STAU2: variants seen among roughly 807,000 people sequenced by gnomAD.
STAU2 encodes the protein staufen double-stranded RNA binding protein 2, also known as double-stranded RNA-binding protein Staufen homolog 2.
In STAU2, 20 loss-of-function variants were observed where a neutral mutation model predicts 65.9. The observed-to-expected ratio is 0.30, with a 90% CI of 0.21 to 0.44. STAU2 has a LOEUF of 0.44. STAU2 is among the 20% of genes least tolerant of loss of function. The probability of loss-of-function intolerance (pLI) is 1.00; values close to 1 mark genes in which losing one functional copy is unlikely to be tolerated. For missense variants in STAU2, 558 were observed against 683.9 expected, an observed-to-expected ratio of 0.82 and a Z score of 2.05; for synonymous variants, 232 against 233.9, an observed-to-expected ratio of 0.99 and a Z score of 0.07.
chr8:73,633,526 A>G (rs974552208), intron 6 of STAU2, among the ~76,000 whole-genome samples: 10 of 152,188 alleles, frequency 6.6e-5, no homozygotes, highest in Non-Finnish European at 1.3e-4. Flanking sequence ...GAGTGAATGT[A>G]CTTTGTGACT....
intron 13 of STAU2, among the ~76,000 whole-genome samples, chr8:73,441,782 T>C (rs991367891): frequency 1.3e-5 from 2 of 152,162 alleles, no homozygotes; most frequent in Non-Finnish European, 2.9e-5. Flanking sequence ...CCGTCTGGAG[T>C]AAGTAGCTGC....
intron 6 of STAU2, among the ~76,000 whole-genome samples, chr8:73,649,604 TA>T (rs1218273211): frequency 6.6e-6 from 1 of 152,026 alleles, no homozygotes; most frequent in African/African-American, 2.4e-5. Flanking sequence ...AACTGTCAAG[TA>T]ACTATCAAAT....
chr8:73,650,441 A>C (rs2130220790), intron 6 of STAU2, among the ~76,000 whole-genome samples: 1 of 152,248 alleles, frequency 6.6e-6, no homozygotes, highest in Non-Finnish European at 1.5e-5. Flanking sequence ...GTGTGGATGT[A>C]GGTATGTATT....
At position 73,552,250 on chromosome 8, in the gene STAU2, A is replaced by G; in HGVS notation, c.1292T>C (p.Ile431Thr). The change falls in exon 13 of 15, where the codon ATC becomes ACC. Residue 431 changes from isoleucine (I) to threonine (T), a missense_variant. Around this residue, in one of 3 missense-constraint regions of STAU2, gnomAD observed 247 missense variants for 270.1 expected, o/e 0.91. Coordinates refer to ENST00000524300, the MANE Select transcript of STAU2 (RefSeq NM_001164380.2). ...CAAATAGCCTAGAGTAGTGCCAGAG[A>G]TTACTTTGTGGCGGCTGGCTTCCAT... is the stretch of plus-strand genomic sequence containing the variant. ...QEMEASRHKV[I>T]SGTTLGYLSP... 1 of 1,613,898 alleles carries G rather than the reference A, an allele frequency of 6.2e-7. No individual in the cohort carries two copies. The highest frequency in any genetic ancestry group is 8.5e-7 in the Non-Finnish European group (1 of 1,179,836).
intron 13 of STAU2, among the ~76,000 whole-genome samples, chr8:73,460,441 A>C (rs1201964795): frequency 6.6e-6 from 1 of 152,248 alleles, no homozygotes; most frequent in East Asian, 1.9e-4. Flanking sequence ...GTTTTGAACA[A>C]GTTTAAACAC....
Position 73,617,211 on chromosome 8 carries a change from T to C in STAU2, c.570+81A>G, listed in dbSNP as rs1200888785. On this transcript the variant is annotated intron_variant, in intron 7 of 14. Coordinates refer to ENST00000524300, the MANE Select transcript of STAU2 (RefSeq NM_001164380.2). ...TATTCTTCCCTATCAGAACAGATTATTTATTTTAATTATAAAATGCTCTGA... is the reference window on the plus strand; with the variant it reads ...TATTCTTCCCTATCAGAACAGATTACTTATTTTAATTATAAAATGCTCTGA... 3.3e-6 allele frequency: 5 copies of C among 1,517,320 alleles called. No individual in the cohort carries two copies. The African/African-American group carries it at 5.6e-5, about 17-fold the overall frequency. The allele number at this position is 1,517,320 out of a possible 1,614,324, so 94.0% of individuals were successfully genotyped here.
chr8:73,728,531 C>T (rs1805814657), intron 3 of STAU2, among the ~76,000 whole-genome samples: 1 of 149,832 alleles, frequency 6.7e-6, no homozygotes, highest in Admixed American at 6.6e-5. Context: ...TTGCTTTGGA[C>T]AGTATTGCCA....
In STAU2 at chr8:73,471,336, C is replaced by T. The variant is rs554949454; in HGVS notation, c.1531-48634G>A. ...TACAGGCACACACTAATATGCCTGG[C>T]TAATTTATTTTTTTATTTTTATTTT... On this transcript the variant is annotated intron_variant, in intron 13 of 14. Coordinates refer to ENST00000524300, the MANE Select transcript of STAU2 (RefSeq NM_001164380.2). Among the ~76,000 whole-genome samples the T allele has an allele frequency of 4.0e-5, 6 of 151,618 alleles. No homozygotes were observed. The East Asian group carries it at 9.7e-4, about 25-fold the overall frequency.
intron 5 of STAU2, 99 bp downstream of exon 5, chr8:73,688,555 T>G: frequency 3.4e-6 from 4 of 1,188,750 alleles, no homozygotes; most frequent in Non-Finnish European, 3.7e-6. Flanking sequence ...TGTGTACTAT[T>G]AATACTTGCT....
chr8:73,570,477 G>A (rs1808977048), intron 12 of STAU2, among the ~76,000 whole-genome samples: 1 of 152,164 alleles, frequency 6.6e-6, no homozygotes, highest in Admixed American at 6.5e-5. Context: ...CGTCTGACTG[G>A]TGTACCTGAA....
intron 13 of STAU2, among the ~76,000 whole-genome samples, chr8:73,462,553 G>A (rs576677279): frequency 2.0e-5 from 3 of 151,846 alleles, no homozygotes; most frequent in African/African-American, 7.2e-5. Flanking sequence ...GCACTACTAT[G>A]CCCAGCTAAT....
intron 13 of STAU2, among the ~76,000 whole-genome samples, chr8:73,430,716 T>C (rs992370010): frequency 6.6e-6 from 1 of 152,226 alleles, no homozygotes; most frequent in African/African-American, 2.4e-5. Context: ...ACTACATACC[T>C]CCAAACCTGT....
intron 13 of STAU2, among the ~76,000 whole-genome samples, chr8:73,481,903 G>A (rs950376575): frequency 6.6e-6 from 1 of 152,110 alleles, no homozygotes. Flanking sequence ...TTTAGGTCTA[G>A]TACAGTAGGT....
chr8:73,471,171 CTCT>C (rs991550775), intron 13 of STAU2, among the ~76,000 whole-genome samples: 11 of 123,968 alleles, frequency 8.9e-5, no homozygotes, highest in Non-Finnish European at 1.6e-4. Context: ...TTCTAATTCT[CTCT>C]TTTTTTTTTT....
intron 6 of STAU2, among the ~76,000 whole-genome samples, chr8:73,658,036 C>T (rs1228085526): frequency 2.7e-5 from 4 of 150,618 alleles, no homozygotes; most frequent in African/African-American, 4.9e-5. Flanking sequence ...TTAAAAGGCA[C>T]AATAGTCACA....
intron 13 of STAU2, chr8:73,527,705 C>T: frequency 6.5e-7 from 1 of 1,536,644 alleles, no homozygotes; most frequent in Non-Finnish European, 8.7e-7. Context: ...TCATGGCTGG[C>T]TTCAATGGAG....
chr8:73,730,310 T>G (rs1805952767), intron 3 of STAU2, among the ~76,000 whole-genome samples: 1 of 152,246 alleles, frequency 6.6e-6, no homozygotes, highest in Non-Finnish European at 1.5e-5. Flanking sequence ...TGTTAATGAT[T>G]ACTAACTTCA....
At position 73,582,772 on chromosome 8, in the gene STAU2, T is replaced by C. The variant is rs745428857; in HGVS notation, c.1220A>G (p.Asn407Ser). Residue 407 changes from asparagine to serine, a missense_variant and splice_region_variant, in exon 12 of 15, where the codon AAT (asparagine) becomes AGT (serine). Coordinates refer to ENST00000524300, the MANE Select transcript of STAU2 (RefSeq NM_001164380.2). ...PKPGFPEPTN[N>S]TPKGILHLSP... is the part of the protein sequence containing the mutation. Reference sequence around the variant, plus strand: ...ACAACATAAAAATGAGAACTTACTATTATTTGTTGGTTCAGGAAACCCAGG... The same window carrying C: ...ACAACATAAAAATGAGAACTTACTACTATTTGTTGGTTCAGGAAACCCAGG... The C allele has an allele frequency of 6.2e-7, 1 of 1,613,118 alleles. No homozygotes were observed. The highest frequency in any genetic ancestry group is 8.5e-7 in the Non-Finnish European group (1 of 1,179,326).
chr8:73,420,674 G>A lies in STAU2; in HGVS notation c.*698C>T, dbSNP rs1816327333. On this transcript the variant is annotated 3_prime_UTR_variant, in exon 15 of 15. Coordinates refer to ENST00000524300, the MANE Select transcript of STAU2 (RefSeq NM_001164380.2). ...GCCCCCTTACTTGCTAAGAGTATAT[G>A]GAGCTCAAAACCCACAATTGCTTTG... 1 of 159,162 alleles carries A rather than the reference G, an allele frequency of 6.3e-6. No individual in the cohort carries two copies. Among genetic ancestry groups the A allele is most frequent in the South Asian group, 1.8e-4 (1 of 5,422 alleles). The allele number at this position is 159,162 out of a possible 1,614,324, so 9.9% of individuals were successfully genotyped here. A position where few individuals can be genotyped will look rare whatever the true frequency, so the allele number is the denominator to read the frequency against.
Sources: allele counts gnomAD v4.1 joint callset (sites outside exome capture counted in the v4.1 genomes callset), GRCh38; gene constraint gnomAD v4.1.1; regional missense constraint gnomAD v4.1.1; transcripts MANE v1.5; gene names NCBI Gene and HGNC (gene_info 2026-07-23, HGNC 2026-07-21).